Variants in IFI30 observed in about 807,000 individuals in gnomAD.
IFI30 encodes the protein gamma-interferon-inducible lysosomal thiol reductase.
A neutral mutation model predicts 30.1 loss-of-function variants in IFI30; 26 were observed. The ratio of observed to expected loss-of-function variants is 0.87; its 90% confidence interval spans 0.63 to 1.20. The LOEUF (loss-of-function observed/expected upper bound fraction) is 1.20, where lower values mean the gene tolerates loss of function less well. Among genes scored for constraint, IFI30 ranks in the 50% most tolerant of loss-of-function variants. The pLI is 0.00. For synonymous variants in IFI30, 149 were observed against 134.5 expected, an observed-to-expected ratio of 1.11 and a Z score of -0.75; for missense variants, 296 against 312.5, an observed-to-expected ratio of 0.95 and a Z score of 0.40.
chr19:18,174,602 G>A (rs1198080690), intron 1 of IFI30: 4 of 167,554 alleles, frequency 2.4e-5, no homozygotes, highest in South Asian at 2.6e-4. Flanking sequence ...GGCCGGAGGC[G>A]GTGGCTCATG....
chr19:18,176,878 C>T (rs748344487), intron 4 of IFI30, among the ~76,000 whole-genome samples: 6 of 152,072 alleles, frequency 3.9e-5, no homozygotes, highest in Non-Finnish European at 7.4e-5. Flanking sequence ...AAGTGAGATA[C>T]TATGGGGGTC....
In IFI30 at chr19:18,177,192, C is replaced by A; in HGVS notation, c.536C>A (p.Ala179Glu). ...GLSPDTIMEC[A>E]MGDRGMQLMH... The stretch of plus-strand genomic sequence containing the variant: ...TCGCCAGACACTATCATGGAGTGTG[C>A]AATGGGGGACCGCGGCATGCAGCTC... The change falls in exon 5 of 7, where the codon GCA (alanine) becomes GAA (glutamate). Residue 179 changes from alanine (A) to glutamate (E), a missense_variant. By Grantham distance (107) the Ala-to-Glu change is moderately radical (BLOSUM62 -1). Transcript: ENST00000407280. 1 of 1,586,610 alleles carries A rather than the reference C, an allele frequency of 6.3e-7. No individual in the cohort carries two copies. The highest frequency in any genetic ancestry group is 2.3e-5 in the East Asian group (1 of 43,400).
At chr19:18,176,141 CTTTTTTTTTTTTTTTTTTTTTT>C (rs71336666) in intron 4 of IFI30, among the ~76,000 whole-genome samples, 1 of 56,448 alleles carries the variant, frequency 1.8e-5, no homozygotes, top group Non-Finnish European at 3.3e-5. Flanking sequence ...GCACCCAGCC[CTTTTTTTTTTTTTTTTTTTTTT>C]TTTTTTTTTG....
intron 4 of IFI30, 125 bp from the exon 5 acceptor site, chr19:18,177,015 A>G: frequency 8.8e-6 from 9 of 1,019,478 alleles, no homozygotes; most frequent in Non-Finnish European, 1.1e-5. Context: ...GCTTTGTCGC[A>G]TCACTGTGAA....
At chr19:18,175,738 G>A in intron 4 of IFI30, 41 bp downstream of exon 4, 1 of 1,490,914 alleles carries the variant, frequency 6.7e-7, no homozygotes, top group Non-Finnish European at 9.2e-7. Flanking sequence ...GGGGGACATG[G>A]GTGGTAACCT....
rs940305787 is a variant in IFI30 at position 18,175,199 on chromosome 19, C to G, written c.292C>G (p.Leu98Val). Residue 98 changes from leucine (L) to valine (V), a missense_variant, in exon 2 of 7, where the codon CTG becomes GTG. Leu to Val is a conservative substitution (Grantham distance 32). Coordinates refer to ENST00000407280, the MANE Select transcript of IFI30 (RefSeq NM_006332.5). ...LLVMEILNVT[L>V]VPYGNAQEQN... The stretch of plus-strand genomic sequence containing the variant: ...GGTCATGGAGATCCTCAATGTCACG[C>G]TGGTGCCCTACGGAAACGCACAGGT... 1 of 1,592,602 alleles carries G rather than the reference C, an allele frequency of 6.3e-7. No homozygotes were observed. The highest frequency in any genetic ancestry group is 1.8e-5 in the Admixed American group (1 of 55,546).
At chr19:18,176,404 C>A (rs1164480301) in intron 4 of IFI30, among the ~76,000 whole-genome samples, 1 of 151,840 alleles carries the variant, frequency 6.6e-6, no homozygotes, top group Non-Finnish European at 1.5e-5. Context: ...TCCGCCTGTC[C>A]CAGCCTCCCA....
At chr19:18,177,473 G>A (rs549030133) in intron 5 of IFI30, 181 bp downstream of exon 5, 5 of 800,192 alleles carry the variant, frequency 6.2e-6, no homozygotes, top group African/African-American at 5.2e-5. Context: ...GGGAAAGAGG[G>A]CATTGATGCT....
chr19:18,175,676 C>T lies in IFI30; in HGVS notation c.462C>T (p.Asp154=). The change falls in exon 4 of 7, where the codon GAC becomes GAT. Residue 154 remains aspartate, a synonymous_variant. Coordinates refer to ENST00000407280, the MANE Select transcript of IFI30 (RefSeq NM_006332.5). ...LTIVCMEEFE[D]MERSLPLCLQ... ...TTGTCTGCATGGAAGAGTTTGAGGACATGGAGAGAAGTCTGCCACTAGTGA... is the reference window on the plus strand; with the variant it reads ...TTGTCTGCATGGAAGAGTTTGAGGATATGGAGAGAAGTCTGCCACTAGTGA... 2 of 1,608,626 alleles carry T rather than the reference C, an allele frequency of 1.2e-6. No individual in the cohort carries two copies. Among genetic ancestry groups the T allele is most frequent in the Non-Finnish European group, 1.7e-6 (2 of 1,177,562 alleles).
Position 18,173,850 on chromosome 19 carries a change from G to A in IFI30, c.9G>A (p.Leu3=), listed in dbSNP as rs1272753870. ...CCTTTGCCCCTGCTGCGATGACCCT[G>A]TCGCCACTTCTGCTGTTCCTGCCAC... The part of the protein sequence containing the change: MT[L]SPLLLFLPPL... Residue 3 remains leucine, a synonymous_variant, in exon 1 of 7, where the codon CTG becomes CTA. Coordinates refer to ENST00000407280, the MANE Select transcript of IFI30 (RefSeq NM_006332.5). 1 of 1,547,712 alleles carries A rather than the reference G, an allele frequency of 6.5e-7. No individual in the cohort carries two copies.
At chr19:18,175,273 C>T in intron 2 of IFI30, 38 bp from the exon 3 acceptor site, 1 of 1,574,504 alleles carries the variant, frequency 6.4e-7, no homozygotes, top group Non-Finnish European at 8.6e-7. Flanking sequence ...AGCAGGGGAC[C>T]CAGCCTACCA....
At chr19:18,175,470 T>A (rs1967257865) in intron 3 of IFI30, 85 bp downstream of exon 3, 2 of 1,425,836 alleles carry the variant, frequency 1.4e-6, no homozygotes, top group African/African-American at 2.8e-5. Flanking sequence ...AGCTCTGTCT[T>A]CTGCCTCGTG....
At chr19:18,174,958 C>A in intron 1 of IFI30, 82 bp from the exon 2 acceptor site, 2 of 1,149,788 alleles carry the variant, frequency 1.7e-6, no homozygotes, top group Non-Finnish European at 2.5e-6. Flanking sequence ...AGCCCCCTTT[C>A]TACAAGACTA....
intron 5 of IFI30, 24 bp from the exon 6 acceptor site, chr19:18,177,687 C>G (rs752472421): frequency 1.9e-6 from 3 of 1,612,340 alleles, no homozygotes; most frequent in Non-Finnish European, 1.7e-6. Flanking sequence ...TGGGAATATG[C>G]GACCCCTGTC....
rs367697795 is a variant in IFI30 at position 18,175,164 on chromosome 19, C to A, written c.257C>A (p.Thr86Lys). ...TTCCTGATCCGGGAGCTCTTCCCAA[C>A]ATGGCTGTTGGTCATGGAGATCCTC... ...RAFLIRELFPTWLLVMEILNV... is the reference protein window; with the variant it reads ...RAFLIRELFPKWLLVMEILNV... The change falls in exon 2 of 7, where the codon ACA becomes AAA. Residue 86 changes from threonine (T) to lysine (K), a missense_variant. Transcript: ENST00000407280. 64 of 1,606,750 alleles carry A rather than the reference C, an allele frequency of 4.0e-5. No homozygotes were observed. Among genetic ancestry groups the A allele is most frequent in the Non-Finnish European group, 5.1e-5 (60 of 1,176,702 alleles).
intron 1 of IFI30, chr19:18,174,706 TAC>T: frequency 4.1e-6 from 1 of 241,886 alleles, no homozygotes; most frequent in East Asian, 1.1e-4. Flanking sequence ...ACCCTGTCTC[TAC>T]TAAAAATACA....
At chr19:18,174,447 C>T in intron 1 of IFI30, 1 of 159,672 alleles carries the variant, frequency 6.3e-6, no homozygotes, top group South Asian at 1.6e-4. Context: ...ATGGGCCACC[C>T]GCCACCCCTC....
chr19:18,177,133 C>T lies in IFI30; in HGVS notation c.484-7C>T. The T allele has an allele frequency of 6.5e-7, 1 of 1,543,872 alleles. No individual in the cohort carries two copies. Among genetic ancestry groups the T allele is most frequent in the Non-Finnish European group, 8.8e-7 (1 of 1,141,164 alleles). Reference sequence around the variant, plus strand: ...CTGAGGCAACCCCCTGCTCCCCACCCACCCAGTGCCTGCAGCTCTACGCCC... The same window carrying T: ...CTGAGGCAACCCCCTGCTCCCCACCTACCCAGTGCCTGCAGCTCTACGCCC... On this transcript the variant is annotated splice_polypyrimidine_tract_variant and splice_region_variant and intron_variant, in intron 4 of 6. Coordinates refer to ENST00000407280, the MANE Select transcript of IFI30 (RefSeq NM_006332.5).
intron 4 of IFI30, among the ~76,000 whole-genome samples, chr19:18,176,447 C>T (rs1248223206): frequency 6.6e-6 from 1 of 152,074 alleles, no homozygotes; most frequent in African/African-American, 2.4e-5. Context: ...CACGCCCGGC[C>T]CCAGCCTCCC....
Sources: allele counts gnomAD v4.1 joint callset (sites outside exome capture counted in the v4.1 genomes callset), GRCh38; gene constraint gnomAD v4.1.1; transcripts MANE v1.5; gene names NCBI Gene and HGNC (gene_info 2026-07-23, HGNC 2026-07-21).